Variants in SKAP1 observed in about 807,000 individuals in gnomAD.
The protein encoded by SKAP1 is src kinase associated phosphoprotein 1, also known as src kinase-associated phosphoprotein 1.
A neutral mutation model predicts 58.5 loss-of-function variants in SKAP1; 44 were observed. That is an observed-to-expected ratio of 0.75 (90% CI 0.59 to 0.97). The LOEUF (loss-of-function observed/expected upper bound fraction) is 0.97. Ranked by LOEUF, SKAP1 falls within the 50% of genes least tolerant of loss-of-function variation. The pLI, the probability that SKAP1 is intolerant of heterozygous loss-of-function variation, is 0.00. For missense variants in SKAP1, 390 were observed against 435.2 expected, an observed-to-expected ratio of 0.90 and a Z score of 0.92; for synonymous variants, 127 against 149.7, an observed-to-expected ratio of 0.85 and a Z score of 1.11.
At chr17:48,149,946 CA>C (rs1425200891) in intron 11 of SKAP1, among the ~76,000 whole-genome samples, 1 of 152,206 alleles carries the variant, frequency 6.6e-6, no homozygotes, top group Admixed American at 6.5e-5. Context: ...TTACTACTTT[CA>C]CCCTCCTCCT....
intron 1 of SKAP1, among the ~76,000 whole-genome samples, chr17:48,421,849 T>G (rs1056599757): frequency 1.3e-5 from 2 of 152,172 alleles, no homozygotes; most frequent in African/African-American, 4.8e-5. Flanking sequence ...TTTCTCTCCT[T>G]CCTCCATAAA....
chr17:48,311,318 C>A (rs1439107160), intron 4 of SKAP1, among the ~76,000 whole-genome samples: 1 of 152,176 alleles, frequency 6.6e-6, no homozygotes. Context: ...AAAGAATGAA[C>A]TTTGAACTGC....
At chr17:48,281,957 C>T (rs2065771321) in intron 4 of SKAP1, among the ~76,000 whole-genome samples, 1 of 152,072 alleles carries the variant, frequency 6.6e-6, no homozygotes, top group Non-Finnish European at 1.5e-5. Flanking sequence ...TGAAGAACAA[C>T]AGCTAAGTGT....
At chr17:48,434,035 G>A (rs1033012083), upstream of SKAP1, among the ~76,000 whole-genome samples, 48 of 152,338 alleles carry the variant, frequency 3.2e-4, 1 homozygote, top group Middle Eastern at 3.4e-3. Context: ...AACTGCAGAG[G>A]GCAGGCTCTG....
rs5820701 is a variant in SKAP1, at chr17:48,426,849, G to GTT, written c.46+3224_46+3225dup. 1.2e-3 allele frequency among the ~76,000 whole-genome samples: 177 copies of GTT among 146,458 alleles called. 1 individual carries two copies. Among genetic ancestry groups the GTT allele is most frequent in the African/African-American group, 3.0e-3 (121 of 40,234 alleles). ...ATTTGCCAAAAATCCAAGATAGCGT[G>GTT]TTTTTTTTTTTTAATTTCTCCACCT... On this transcript the variant is annotated intron_variant, in intron 1 of 12. Coordinates refer to ENST00000336915, the MANE Select transcript of SKAP1 (RefSeq NM_003726.4).
At chr17:48,265,112 A>C (rs560315364) in intron 4 of SKAP1, among the ~76,000 whole-genome samples, 1 of 152,292 alleles carries the variant, frequency 6.6e-6, no homozygotes, top group African/African-American at 2.4e-5. Flanking sequence ...GATTTAATGA[A>C]TTCCAATCTG....
chr17:48,187,881 A>G lies in SKAP1; in HGVS notation c.404T>C (p.Val135Ala). ...ATAGTAGTAGAAGAGACCTCTGCTGACAACACACCATCGCTTCTGCCACTC... is the reference window on the plus strand; with the variant it reads ...ATAGTAGTAGAAGAGACCTCTGCTGGCAACACACCATCGCTTCTGCCACTC... ...GSEWQKRWCV[V>A]SRGLFYYYAN... The change falls in exon 6 of 13, where the codon GTC (valine) becomes GCC (alanine). Residue 135 changes from valine (V) to alanine (A), a missense_variant. Val to Ala is a moderately conservative substitution (Grantham distance 64). Transcript: ENST00000336915. The G allele has an allele frequency of 6.2e-7, 1 of 1,614,038 alleles. No individual in the cohort carries two copies. Among genetic ancestry groups the G allele is most frequent in the Non-Finnish European group, 8.5e-7 (1 of 1,179,884 alleles).
chr17:48,319,023 A>G (rs542959445), intron 4 of SKAP1, among the ~76,000 whole-genome samples: 1 of 152,364 alleles, frequency 6.6e-6, no homozygotes, highest in Admixed American at 6.5e-5. Flanking sequence ...AACAGTAAGA[A>G]TAACTTTTGA....
chr17:48,372,064 T>C (rs1213477141), intron 2 of SKAP1, among the ~76,000 whole-genome samples: 1 of 151,808 alleles, frequency 6.6e-6, no homozygotes, highest in East Asian at 1.9e-4. Context: ...CTCTGCCTCC[T>C]GGGTTCACGC....
At chr17:48,381,235 C>A (rs2067211192) in intron 2 of SKAP1, among the ~76,000 whole-genome samples, 1 of 152,198 alleles carries the variant, frequency 6.6e-6, no homozygotes, top group Non-Finnish European at 1.5e-5. Context: ...CTTTACTCTT[C>A]CAAACTACCT....
At chr17:48,334,992 C>T (rs2066550640) in intron 4 of SKAP1, among the ~76,000 whole-genome samples, 1 of 151,728 alleles carries the variant, frequency 6.6e-6, no homozygotes, top group African/African-American at 2.4e-5. Flanking sequence ...TTATGAGTTT[C>T]CTAATTAATA....
chr17:48,317,756 T>C (rs1222425944), intron 4 of SKAP1, among the ~76,000 whole-genome samples: 1 of 152,200 alleles, frequency 6.6e-6, no homozygotes, highest in Non-Finnish European at 1.5e-5. Context: ...GATGGATATG[T>C]GTTTTATGCT....
chr17:48,171,929 G>A (rs958725501), intron 9 of SKAP1, among the ~76,000 whole-genome samples: 2 of 152,002 alleles, frequency 1.3e-5, no homozygotes, highest in Admixed American at 6.6e-5. Context: ...GGCCTGTGGC[G>A]GGCGCCTGTA....
At chr17:48,339,176 C>CATAA (rs2066614658) in intron 4 of SKAP1, among the ~76,000 whole-genome samples, 1 of 152,186 alleles carries the variant, frequency 6.6e-6, no homozygotes, top group Non-Finnish European at 1.5e-5. Context: ...AACACACATA[C>CATAA]ATAACTTCCA....
intron 1 of SKAP1, among the ~76,000 whole-genome samples, chr17:48,421,712 C>A (rs935454149): frequency 2.6e-5 from 4 of 152,118 alleles, no homozygotes; most frequent in African/African-American, 7.2e-5. Context: ...TCAGAGAATC[C>A]TTTTGTGACA....
chr17:48,234,164 A>T (rs929166975), intron 4 of SKAP1, among the ~76,000 whole-genome samples: 2 of 152,234 alleles, frequency 1.3e-5, no homozygotes, highest in African/African-American at 4.8e-5. Context: ...TGAGGATTAA[A>T]AAAAGGCACT....
At chr17:48,189,632 C>G (rs1031624584) in intron 4 of SKAP1, 132 bp from the exon 5 acceptor site, 30 of 585,120 alleles carry the variant, frequency 5.1e-5, no homozygotes, top group African/African-American at 7.7e-5. Context: ...CAAAATAAAA[C>G]AATTTCTGTA....
intron 4 of SKAP1, among the ~76,000 whole-genome samples, chr17:48,298,284 G>A (rs191772428): frequency 5.9e-5 from 9 of 152,142 alleles, no homozygotes; most frequent in East Asian, 3.8e-4. Context: ...CAGAGTGAGC[G>A]TCAACAAACA....
rs180910864 is a variant in SKAP1 at position 48,391,507 on chromosome 17, T to C, written c.152+5173A>G. 4.9e-4 allele frequency among the ~76,000 whole-genome samples: 75 copies of C among 152,334 alleles called. 1 individual carries two copies. Among genetic ancestry groups the C allele is most frequent in the Admixed American group, 1.3e-3 (20 of 15,302 alleles). ...ACCTCTCATTCCTAGAGAAGTAGATTCACAAAACTCTTTAACTCAGTTGTG... is the reference window on the plus strand; with the variant it reads ...ACCTCTCATTCCTAGAGAAGTAGATCCACAAAACTCTTTAACTCAGTTGTG... On this transcript the variant is annotated intron_variant, in intron 2 of 12. Coordinates refer to ENST00000336915, the MANE Select transcript of SKAP1 (RefSeq NM_003726.4).
Sources: gnomAD v4.1 joint callset for allele counts (sites outside exome capture counted in the v4.1 genomes callset) on GRCh38, gnomAD v4.1.1 for gene constraint, MANE v1.5 for transcripts, NCBI Gene and HGNC (gene_info 2026-07-23, HGNC 2026-07-21) for gene names.